ZNF469: variants seen among roughly 807,000 people sequenced by gnomAD.
ZNF469 encodes the protein zinc finger protein 469.
In ZNF469, 1 loss-of-function variant was observed where a neutral mutation model predicts 1.0. The ratio of observed to expected loss-of-function variants is 1.00; its 90% confidence interval spans 0.35 to 4.73. The LOEUF is 4.73. ZNF469 is among the 30% of genes most tolerant of loss of function. ZNF469 has a pLI of 0.16. For missense variants in ZNF469, 6,100 were observed against 5,356.3 expected (o/e 1.14, Z -4.33); for synonymous variants, 2,703 against 2,363.4 (o/e 1.14, Z -4.17).
chr16:88,389,808 C>G (rs1904434502), intron 1 of ZNF469, among the ~76,000 whole-genome samples: 1 of 152,174 alleles, frequency 6.6e-6, no homozygotes, highest in Non-Finnish European at 1.5e-5. Context: ...CTTTGAACGA[C>G]AGCGCAGTCC....
chr16:88,317,562 T>C, the ZNF469 span, among the ~76,000 whole-genome samples: 1 of 152,148 alleles, frequency 6.6e-6, no homozygotes, highest in Non-Finnish European at 1.5e-5. Context: ...CTGGTGCAGA[T>C]GTAGTCTCCA....
At chr16:88,380,230 C>A (rs1298316683), upstream of ZNF469, among the ~76,000 whole-genome samples, 1 of 151,654 alleles carries the variant, frequency 6.6e-6, no homozygotes, top group Non-Finnish European at 1.5e-5. Flanking sequence ...CACTCACAGA[C>A]ATGCACTCAC....
At chr16:88,134,546 T>C in the ZNF469 span, among the ~76,000 whole-genome samples, 1 of 152,238 alleles carries the variant, frequency 6.6e-6, no homozygotes, top group Admixed American at 6.5e-5. Context: ...CTATTAGTTA[T>C]TTAGAGTAAG....
chr16:88,159,112 G>T, the ZNF469 span, among the ~76,000 whole-genome samples: 4 of 121,910 alleles, frequency 3.3e-5, no homozygotes, highest in African/African-American at 1.1e-4. Flanking sequence ...GATGCTCACA[G>T]GGCTGTGCAG....
chr16:88,152,119 G>T, the ZNF469 span, among the ~76,000 whole-genome samples: 4 of 152,226 alleles, frequency 2.6e-5, no homozygotes, highest in African/African-American at 9.6e-5. This position sits in a 1 kb window ranked among gnomAD's most constrained non-coding sequence, Gnocchi z 4.2. Context: ...GAGGCCATGG[G>T]TGGAGGAGGG....
the ZNF469 span, among the ~76,000 whole-genome samples, chr16:88,235,276 T>A: frequency 6.6e-6 from 1 of 152,196 alleles, no homozygotes; most frequent in Non-Finnish European, 1.5e-5. Context: ...GCTCCGGGCT[T>A]CCGCACACAT....
intron 1 of ZNF469, among the ~76,000 whole-genome samples, chr16:88,407,049 C>T (rs1905044488): frequency 6.6e-6 from 1 of 152,218 alleles, no homozygotes; most frequent in African/African-American, 2.4e-5. Context: ...CAGTGCTTAT[C>T]TGAGAAGCCT....
chr16:88,214,181 C>T, the ZNF469 span, among the ~76,000 whole-genome samples: 1 of 152,192 alleles, frequency 6.6e-6, no homozygotes, highest in Non-Finnish European at 1.5e-5. Flanking sequence ...GAAAGCTACT[C>T]TATTCCATAA....
the ZNF469 span, among the ~76,000 whole-genome samples, chr16:88,320,966 G>A: frequency 6.6e-6 from 1 of 152,220 alleles, no homozygotes; most frequent in Non-Finnish European, 1.5e-5. Flanking sequence ...ATGAATGAGT[G>A]AATGGATAGA....
the ZNF469 span, among the ~76,000 whole-genome samples, chr16:88,272,658 A>G: frequency 6.6e-6 from 1 of 151,822 alleles, no homozygotes; most frequent in Non-Finnish European, 1.5e-5. Flanking sequence ...GAGTGGACAG[A>G]TGAATGAACG....
chr16:88,430,419 C>G lies in ZNF469; in HGVS notation c.2949C>G (p.Asn983Lys), dbSNP rs1425427573. ...GRASGLRPRRNDGLGERPPPR... is the reference protein window; with the variant it reads ...GRASGLRPRRKDGLGERPPPR... Reference sequence around the variant, plus strand: ...CCTCCGGCCTGAGGCCCCGGAGGAACGACGGTCTCGGGGAGCGGCCCCCAC... The same window carrying G: ...CCTCCGGCCTGAGGCCCCGGAGGAAGGACGGTCTCGGGGAGCGGCCCCCAC... Residue 983 changes from asparagine (N) to lysine (K), a missense_variant, in exon 3 of 3, where the codon AAC (asparagine) becomes AAG (lysine). Physicochemically the swap from Asn to Lys is moderately conservative, Grantham distance 94. Transcript: ENST00000565624. 5.9e-6 allele frequency: 9 copies of G among 1,518,996 alleles called. No individual in the cohort carries two copies. The South Asian group carries it at 8.5e-5, about 14-fold the overall frequency. 94.1% of individuals were successfully genotyped at this position (1,518,996 alleles called of 1,614,324 possible). A position where few individuals can be genotyped will look rare whatever the true frequency, so the allele number is the denominator to read the frequency against.
At chr16:88,343,162 T>C in the ZNF469 span, among the ~76,000 whole-genome samples, 3 of 149,118 alleles carry the variant, frequency 2.0e-5, no homozygotes, top group African/African-American at 7.6e-5. Context: ...CCTCTCATGC[T>C]CCTGGGTCCG....
chr16:88,288,061 C>G, the ZNF469 span, among the ~76,000 whole-genome samples: 13 of 152,146 alleles, frequency 8.5e-5, no homozygotes, highest in African/African-American at 3.1e-4. Flanking sequence ...TTATCCATTT[C>G]ATCTTTGTGG....
chr16:88,202,924 C>A, the ZNF469 span, among the ~76,000 whole-genome samples: 4,170 of 152,228 alleles, frequency 0.027, 215 homozygotes, highest in African/African-American at 0.095. Context: ...GGGCCCTGAG[C>A]CGGGTGCCGC....
chr16:88,389,647 G>C (rs1180189192), intron 1 of ZNF469, among the ~76,000 whole-genome samples: 1 of 152,210 alleles, frequency 6.6e-6, no homozygotes, highest in Non-Finnish European at 1.5e-5. Flanking sequence ...CTGTGGATGA[G>C]GCAACCAGGC....
the ZNF469 span, among the ~76,000 whole-genome samples, chr16:88,358,434 G>A: frequency 2.0e-5 from 3 of 152,108 alleles, no homozygotes; most frequent in East Asian, 3.9e-4. Flanking sequence ...CACACAACTC[G>A]AATGTCTGTA....
chr16:88,428,448 G>C lies in ZNF469; in HGVS notation c.978G>C (p.Leu326=). The C allele has an allele frequency of 6.5e-7, 1 of 1,548,306 alleles. No individual in the cohort carries two copies. The change falls in exon 3 of 3, where the codon CTG becomes CTC. Residue 326 remains leucine, a synonymous_variant. Coordinates refer to ENST00000565624, the MANE Select transcript of ZNF469 (RefSeq NM_001367624.2). The part of the protein sequence containing the change: ...EAVGTGPAYP[L]PTQPAPSPLP... ...TGGGCACGGGCCCTGCCTACCCGCT[G>C]CCCACCCAGCCTGCGCCCTCACCCC...
rs1449452979 is a variant in ZNF469 at position 88,432,548 on chromosome 16, A to G, written c.5078A>G (p.His1693Arg). ...TTCAGCCCCAGGGGAGCCAACTTCC[A>G]TTTTCAGCCAGTGCAGAAAGCCGGA... is the stretch of plus-strand genomic sequence containing the variant. ...APFSPRGANFHFQPVQKAGAS... is the reference protein window; with the variant it reads ...APFSPRGANFRFQPVQKAGAS... Residue 1693 changes from histidine to arginine, a missense_variant, in exon 3 of 3, where the codon CAT becomes CGT. By Grantham distance (29) the His-to-Arg change is conservative. Transcript: ENST00000565624. 3 of 1,550,190 alleles carry G rather than the reference A, an allele frequency of 1.9e-6. No homozygotes were observed. The highest frequency in any genetic ancestry group is 2.6e-6 in the Non-Finnish European group (3 of 1,146,964).
At chr16:88,130,266 G>A in the ZNF469 span, among the ~76,000 whole-genome samples, 4 of 152,168 alleles carry the variant, frequency 2.6e-5, no homozygotes. Context: ...GGTCTTCAGA[G>A]AGGTCTCGCT....
Sources: gnomAD v4.1 joint callset for allele counts (sites outside exome capture counted in the v4.1 genomes callset) on GRCh38, gnomAD v4.1.1 for gene constraint, Gnocchi (gnomAD v3.1) non-coding constraint, MANE v1.5 for transcripts, NCBI Gene and HGNC (gene_info 2026-07-23, HGNC 2026-07-21) for gene names.